The following CUL3 variants were observed in gnomAD, a reference collection of about 807,000 sequenced individuals.
CUL3 encodes the protein cullin 3, also known as cullin-3.
In CUL3, 19 loss-of-function variants were observed where a neutral mutation model predicts 89.1. That is an observed-to-expected ratio of 0.21 (90% CI 0.15 to 0.31). CUL3 has a LOEUF of 0.31. Among genes scored for constraint, CUL3 ranks in the 10% least tolerant of loss-of-function variants. CUL3 has a pLI of 1.00. For missense variants in CUL3, 469 were observed against 942.3 expected, an observed-to-expected ratio of 0.50 and a Z score of 6.58; for synonymous variants, 351 against 308.4, an observed-to-expected ratio of 1.14 and a Z score of -1.45.
chr2:224,537,592 C>A (rs920717500), intron 2 of CUL3, among the ~76,000 whole-genome samples: 1 of 152,062 alleles, frequency 6.6e-6, no homozygotes, highest in Admixed American at 6.6e-5. Flanking sequence ...AAGCTGAAAA[C>A]GTGCTTATTT....
At chr2:224,554,323 TAAAG>T (rs1694624215) in intron 2 of CUL3, among the ~76,000 whole-genome samples, 1 of 152,162 alleles carries the variant, frequency 6.6e-6, no homozygotes, top group Non-Finnish European at 1.5e-5. Context: ...ATTTTAGAAA[TAAAG>T]AATCTCAGGG....
chr2:224,548,424 C>T (rs1694385846), intron 2 of CUL3, among the ~76,000 whole-genome samples: 1 of 152,116 alleles, frequency 6.6e-6, no homozygotes, highest in Non-Finnish European at 1.5e-5. Context: ...ACTTTGAAAA[C>T]CACTAGAATA....
At chr2:224,511,731 T>A in intron 5 of CUL3, 149 bp from the exon 6 acceptor site, 1 of 549,786 alleles carries the variant, frequency 1.8e-6, no homozygotes, top group Non-Finnish European at 3.2e-6. Context: ...CACGAAAGAC[T>A]GATATAGTCT....
chr2:224,504,866 T>C (rs943438937), intron 8 of CUL3, among the ~76,000 whole-genome samples: 6 of 152,168 alleles, frequency 3.9e-5, no homozygotes, highest in Admixed American at 3.9e-4. Context: ...CAGTTGATTT[T>C]CTATGCTGTC....
At chr2:224,508,109 ATTT>A (rs34859247) in intron 6 of CUL3, among the ~76,000 whole-genome samples, 21 of 146,818 alleles carry the variant, frequency 1.4e-4, no homozygotes, top group Admixed American at 2.7e-4. Context: ...AATACTCTTG[ATTT>A]TTTTTTTTTT....
chr2:224,533,259 A>G (rs1693759521), intron 3 of CUL3, among the ~76,000 whole-genome samples: 2 of 152,214 alleles, frequency 1.3e-5, no homozygotes, highest in Non-Finnish European at 2.9e-5. Context: ...GGGACAAGAA[A>G]TAATACCAGT....
At position 224,511,538 on chromosome 2, in the gene CUL3, A is replaced by G. The variant is rs1423025472; in HGVS notation, c.699T>C (p.Tyr233=). ...TAATTCTAGCTTCTACTTTCTTTATATATACTGAAGCACTATTTTCTGCTA... is the reference window on the plus strand; with the variant it reads ...TAATTCTAGCTTCTACTTTCTTTATGTATACTGAAGCACTATTTTCTGCTA... The part of the protein sequence containing the change: ...KFLAENSASV[Y]IKKVEARINE... Residue 233 remains tyrosine (Y), a synonymous_variant, in exon 6 of 16, where the codon TAT becomes TAC. Coordinates refer to ENST00000264414, the MANE Select transcript of CUL3 (RefSeq NM_003590.5). 6.2e-7 allele frequency: 1 copy of G among 1,612,678 alleles called. No homozygotes were observed. Among genetic ancestry groups the G allele is most frequent in the East Asian group, 2.2e-5 (1 of 44,746 alleles).
At chr2:224,538,652 A>G (rs1693979072) in intron 2 of CUL3, among the ~76,000 whole-genome samples, 1 of 152,230 alleles carries the variant, frequency 6.6e-6, no homozygotes, top group African/African-American at 2.4e-5. Flanking sequence ...AAAATTACAC[A>G]GATAAAGAGT....
At chr2:224,510,518 G>A (rs1692780737) in intron 6 of CUL3, among the ~76,000 whole-genome samples, 1 of 151,388 alleles carries the variant, frequency 6.6e-6, no homozygotes, top group Admixed American at 6.6e-5. Context: ...GACCCCAACA[G>A]GCAATATGTA....
chr2:224,489,535 CA>C (rs1691874092), intron 13 of CUL3, among the ~76,000 whole-genome samples: 1 of 152,138 alleles, frequency 6.6e-6, no homozygotes, highest in Admixed American at 6.5e-5. Context: ...CCTAGGAATA[CA>C]ACTTAAAAAG....
intron 2 of CUL3, among the ~76,000 whole-genome samples, chr2:224,551,443 G>C (rs574278463): frequency 2.0e-5 from 3 of 151,816 alleles, no homozygotes; most frequent in African/African-American, 7.3e-5. Flanking sequence ...CTGACCTCGT[G>C]ATCTGCCCAC....
intron 1 of CUL3, among the ~76,000 whole-genome samples, chr2:224,571,254 GATT>G (rs1327332111): frequency 6.6e-6 from 1 of 152,062 alleles, no homozygotes; most frequent in African/African-American, 2.4e-5. Context: ...GAAAATTAGT[GATT>G]ATATCTAAAA....
At position 224,557,690 on chromosome 2, in the gene CUL3, C is replaced by G; in HGVS notation, c.233G>C (p.Arg78Thr). ...KHGEKLYTGL[R>T]EVVTEHLINK... The stretch of plus-strand genomic sequence containing the variant: ...TATGAGATGTTCGGTAACAACTTCT[C>G]TTAGTCCAGTGTAGAGCTTTTCTCC... Residue 78 changes from arginine to threonine, a missense_variant, in exon 2 of 16, where the codon AGA (arginine) becomes ACA (threonine). Transcript: ENST00000264414. The G allele has an allele frequency of 6.2e-7, 1 of 1,612,248 alleles. No homozygotes were observed. The highest frequency in any genetic ancestry group is 1.1e-5 in the South Asian group (1 of 91,004).
chr2:224,531,124 G>A (rs1246562576), intron 3 of CUL3, among the ~76,000 whole-genome samples: 1 of 135,080 alleles, frequency 7.4e-6, no homozygotes, highest in African/African-American at 2.8e-5. Flanking sequence ...GTCTTACTCT[G>A]TCATCCAGGC....
chr2:224,555,222 T>C (rs1290767341), intron 2 of CUL3, among the ~76,000 whole-genome samples: 1 of 152,320 alleles, frequency 6.6e-6, no homozygotes, highest in Non-Finnish European at 1.5e-5. Flanking sequence ...ACAAAACTTA[T>C]CATATTCTCT....
intron 2 of CUL3, among the ~76,000 whole-genome samples, chr2:224,540,445 G>A (rs1316122181): frequency 1.3e-5 from 2 of 151,474 alleles, no homozygotes; most frequent in Non-Finnish European, 2.9e-5. Flanking sequence ...GAGGAAGGAG[G>A]AAGAAGAAAG....
rs1459666676 is a variant in CUL3 at position 224,474,115 on chromosome 2, C to G, written c.*130G>C. 4.3e-6 allele frequency: 4 copies of G among 924,854 alleles called. No individual in the cohort carries two copies. The highest frequency in any genetic ancestry group is 2.9e-4 in the Middle Eastern group (1 of 3,448). 57.3% of individuals were successfully genotyped at this position (924,854 alleles called of 1,614,324 possible). A position where few individuals can be genotyped will look rare whatever the true frequency, so the allele number is the denominator to read the frequency against. On this transcript the variant is annotated 3_prime_UTR_variant, in exon 16 of 16. Coordinates refer to ENST00000264414, the MANE Select transcript of CUL3 (RefSeq NM_003590.5). The stretch of plus-strand genomic sequence containing the variant: ...CTCTCAAAGGGAGTAAAGGCTTGAT[C>G]TCAATGGTCTAGAACATGTACTGTA...
chr2:224,536,177 G>A (rs999374298), intron 2 of CUL3, among the ~76,000 whole-genome samples: 1 of 152,090 alleles, frequency 6.6e-6, no homozygotes, highest in Non-Finnish European at 1.5e-5. Flanking sequence ...CTGAATTAAC[G>A]CTAGCAATAC....
intron 13 of CUL3, among the ~76,000 whole-genome samples, chr2:224,490,943 A>G (rs1435587995): frequency 2.6e-5 from 4 of 152,150 alleles, no homozygotes; most frequent in East Asian, 3.9e-4. Context: ...TTGTATCAAG[A>G]TATCTCACGT....
Sources: allele counts gnomAD v4.1 joint callset (sites outside exome capture counted in the v4.1 genomes callset), GRCh38; gene constraint gnomAD v4.1.1; transcripts MANE v1.5; gene names NCBI Gene and HGNC (gene_info 2026-07-23, HGNC 2026-07-21).